Variants in RNLS observed in about 807,000 individuals in gnomAD.
RNLS encodes renalase.
A neutral mutation model predicts 39.8 loss-of-function variants in RNLS; 39 were observed. The observed-to-expected ratio is 0.98, with a 90% CI of 0.76 to 1.28. The LOEUF (loss-of-function observed/expected upper bound fraction) is 1.28. Ranked by LOEUF, RNLS falls within the 50% of genes most tolerant of loss-of-function variation. The pLI is 0.00. For synonymous variants in RNLS, 147 were observed against 150.7 expected (o/e 0.98, Z 0.18); for missense variants, 410 against 413.3 (o/e 0.99, Z 0.07).
chr10:88,504,593 C>T (rs915183162), intron 4 of RNLS, among the ~76,000 whole-genome samples: 6 of 151,818 alleles, frequency 4.0e-5, no homozygotes, highest in Non-Finnish European at 7.4e-5. Context: ...AAAAAGTAAA[C>T]CCTAAAAGGG....
chr10:88,341,419 G>A (rs963584921), intron 5 of RNLS, among the ~76,000 whole-genome samples: 1 of 151,808 alleles, frequency 6.6e-6, no homozygotes, highest in African/African-American at 2.4e-5. Context: ...CTAGCCCATG[G>A]AGTGCAATAA....
intron 5 of RNLS, among the ~76,000 whole-genome samples, chr10:88,326,893 C>T (rs536641920): frequency 6.6e-6 from 1 of 152,316 alleles, no homozygotes; most frequent in African/African-American, 2.4e-5. Flanking sequence ...TCAGTGTGAC[C>T]TGGATGTGAG....
chr10:88,216,211 T>C, the RNLS span, among the ~76,000 whole-genome samples: 1 of 152,150 alleles, frequency 6.6e-6, no homozygotes, highest in Non-Finnish European at 1.5e-5. Context: ...AATAATAGGC[T>C]CCAAGTCTCA....
chr10:88,407,049 G>A (rs1027804021), intron 4 of RNLS, among the ~76,000 whole-genome samples: 4 of 152,076 alleles, frequency 2.6e-5, no homozygotes, highest in African/African-American at 9.7e-5. Flanking sequence ...GACTTGGGGG[G>A]AAGAATGGGA....
intron 4 of RNLS, among the ~76,000 whole-genome samples, chr10:88,471,949 GA>G (rs899236455): frequency 5.2e-4 from 77 of 147,444 alleles, no homozygotes; most frequent in Middle Eastern, 6.9e-3. Context: ...CTACCTAAAA[GA>G]AAAAAAAAAG....
chr10:88,232,635 C>A, the RNLS span, among the ~76,000 whole-genome samples: 10 of 152,114 alleles, frequency 6.6e-5, no homozygotes, highest in Non-Finnish European at 7.3e-5. Flanking sequence ...TTGTTGTGAC[C>A]TAGTTTAAGT....
intron 4 of RNLS, among the ~76,000 whole-genome samples, chr10:88,426,511 G>T (rs1854777251): frequency 6.6e-6 from 1 of 151,852 alleles, no homozygotes; most frequent in African/African-American, 2.4e-5. Context: ...AGGAAGTCAG[G>T]CCCCCTTAAT....
At chr10:88,428,740 T>G (rs1056787594) in intron 4 of RNLS, among the ~76,000 whole-genome samples, 8 of 151,942 alleles carry the variant, frequency 5.3e-5, no homozygotes, top group Non-Finnish European at 1.0e-4. Context: ...ATTCATCTAT[T>G]TAGACAACAT....
In RNLS at chr10:88,555,707, G is replaced by A. The variant is rs570487184; in HGVS notation, c.526+17196C>T. Reference sequence around the variant, plus strand: ...CACCCTCCACATTGCGAAATCCAATGGGCAACTCTTAGATGAAACTATAGT... The same window carrying A: ...CACCCTCCACATTGCGAAATCCAATAGGCAACTCTTAGATGAAACTATAGT... On this transcript the variant is annotated intron_variant, in intron 4 of 6. Transcript: ENST00000331772. 9.9e-5 allele frequency among the ~76,000 whole-genome samples: 15 copies of A among 152,184 alleles called. No individual in the cohort carries two copies. In the East Asian group the frequency reaches 2.7e-3, roughly 27 times the overall value.
intron 4 of RNLS, among the ~76,000 whole-genome samples, chr10:88,548,261 CAAAAAAAAAAAAAAAAAAAAA>C (rs869175046): frequency 3.1e-5 from 1 of 32,408 alleles, no homozygotes; most frequent in Non-Finnish European, 4.6e-5. Flanking sequence ...GACTCCGTCT[CAAAAAAAAAAAAAAAAAAAAA>C]AAAAAAAAAA....
At chr10:88,449,877 C>G (rs1328901337) in intron 4 of RNLS, among the ~76,000 whole-genome samples, 1 of 152,104 alleles carries the variant, frequency 6.6e-6, no homozygotes, top group Non-Finnish European at 1.5e-5. Context: ...AATGTTGGAG[C>G]TCTCTGCTTC....
chr10:88,242,946 AAAACAAACAAAC>A, the RNLS span, among the ~76,000 whole-genome samples: 2 of 149,668 alleles, frequency 1.3e-5, no homozygotes, highest in African/African-American at 5.0e-5. Flanking sequence ...AAACTCTGTC[AAAACAAACAAAC>A]AAACAAACAA....
intron 4 of RNLS, among the ~76,000 whole-genome samples, chr10:88,415,242 G>A (rs574155395): frequency 4.6e-5 from 7 of 152,308 alleles, no homozygotes; most frequent in Admixed American, 2.6e-4. Context: ...AACAATGTCA[G>A]CTCCTAACCT....
chr10:88,187,187 A>T, the RNLS span, among the ~76,000 whole-genome samples: 5 of 9,570 alleles, frequency 5.2e-4, 1 homozygote, highest in South Asian at 3.9e-3. Context: ...TAATATATAT[A>T]ATATATATAA....
chr10:88,198,366 C>T, the RNLS span, among the ~76,000 whole-genome samples: 12 of 152,160 alleles, frequency 7.9e-5, no homozygotes, highest in South Asian at 4.1e-4. Flanking sequence ...AGCAGCCCAA[C>T]GTTATTAGAG....
chr10:88,462,952 G>C (rs1345270799), intron 4 of RNLS, among the ~76,000 whole-genome samples: 1 of 151,994 alleles, frequency 6.6e-6, no homozygotes, highest in East Asian at 1.9e-4. Context: ...TTATTTAAAA[G>C]TACATGATGG....
intron 4 of RNLS, among the ~76,000 whole-genome samples, chr10:88,542,727 C>T (rs193281968): frequency 5.8e-4 from 88 of 152,076 alleles, no homozygotes; most frequent in African/African-American, 2.1e-3. Context: ...GCTGAAGCAC[C>T]GATAATAGAT....
intron 4 of RNLS, among the ~76,000 whole-genome samples, chr10:88,509,438 AAGAG>A (rs993545564): frequency 1.8e-5 from 2 of 113,894 alleles, no homozygotes; most frequent in Non-Finnish European, 4.0e-5. Context: ...GAAAGGAAAT[AAGAG>A]AGAGAGAGAA....
chr10:88,530,337 A>G (rs1847343479), intron 4 of RNLS, among the ~76,000 whole-genome samples: 1 of 152,200 alleles, frequency 6.6e-6, no homozygotes, highest in Non-Finnish European at 1.5e-5. Flanking sequence ...CAAGATGTTG[A>G]CTACAAATAC....
Sources: gnomAD v4.1 joint callset for allele counts (sites outside exome capture counted in the v4.1 genomes callset) on GRCh38, gnomAD v4.1.1 for gene constraint, MANE v1.5 for transcripts, NCBI Gene and HGNC (gene_info 2026-07-23, HGNC 2026-07-21) for gene names.